Variants in PRKG1 observed in about 807,000 individuals in gnomAD.
PRKG1 encodes protein kinase cGMP-dependent 1.
PRKG1 carries 35 observed loss-of-function variants against 88.1 expected under a neutral mutation model. That is an observed-to-expected ratio of 0.40 (90% CI 0.30 to 0.53). PRKG1 has a LOEUF of 0.53. Ranked by LOEUF, PRKG1 falls within the 20% of genes least tolerant of loss-of-function variation. The probability of loss-of-function intolerance (pLI) is 0.59; values close to 1 mark genes in which losing one functional copy is unlikely to be tolerated. For synonymous variants in PRKG1, 303 were observed against 292.5 expected, an observed-to-expected ratio of 1.04 and a Z score of -0.37; for missense variants, 540 against 839.8, an observed-to-expected ratio of 0.64 and a Z score of 4.41.
intron 5 of PRKG1, chr10:51,911,143 A>G (rs1192076226): frequency 6.6e-6 from 1 of 152,194 alleles, no homozygotes; most frequent in African/African-American, 2.4e-5. Flanking sequence ...AGTACTGGCT[A>G]TATTTCTCTC....
intron 1 of PRKG1, among the ~76,000 whole-genome samples, chr10:51,103,610 A>G (rs1844740922): frequency 6.6e-6 from 1 of 152,142 alleles, no homozygotes; most frequent in African/African-American, 2.4e-5. Context: ...GTGCATCACC[A>G]AATAAGAGGG....
At chr10:51,128,166 A>T (rs1159856950) in intron 1 of PRKG1, among the ~76,000 whole-genome samples, 2 of 151,956 alleles carry the variant, frequency 1.3e-5, no homozygotes, top group Non-Finnish European at 2.9e-5. Context: ...GGCGATTAAC[A>T]TTTTTTCTTT....
chr10:51,587,903 C>T (rs1838212687), intron 3 of PRKG1, among the ~76,000 whole-genome samples: 1 of 152,174 alleles, frequency 6.6e-6, no homozygotes, highest in Non-Finnish European at 1.5e-5. Context: ...ATAAACTGTT[C>T]ATACTTTTCT....
intron 5 of PRKG1, among the ~76,000 whole-genome samples, chr10:52,024,304 T>A (rs2133197411): frequency 9.7e-6 from 1 of 103,046 alleles, no homozygotes; most frequent in South Asian, 3.1e-4. Context: ...TATTCATTTA[T>A]TTATTTATTT....
intron 1 of PRKG1, among the ~76,000 whole-genome samples, chr10:51,042,628 G>A (rs1843439335): frequency 6.6e-6 from 1 of 152,104 alleles, no homozygotes. Flanking sequence ...GTCACCCGCG[G>A]AACAGAGAAG....
chr10:52,048,991 G>A (rs1444636600), intron 5 of PRKG1, among the ~76,000 whole-genome samples: 2 of 152,228 alleles, frequency 1.3e-5, no homozygotes, highest in East Asian at 3.9e-4. Flanking sequence ...GGGGGGAGGA[G>A]TCACAGATAG....
chr10:51,990,041 A>AT (rs1844263198), intron 5 of PRKG1, among the ~76,000 whole-genome samples: 1 of 152,054 alleles, frequency 6.6e-6, no homozygotes. Flanking sequence ...ATGCTTTTGC[A>AT]TGTGGATATC....
chr10:51,108,961 C>G (rs1297652014), intron 1 of PRKG1, among the ~76,000 whole-genome samples: 1 of 151,978 alleles, frequency 6.6e-6, no homozygotes, highest in African/African-American at 2.4e-5. Context: ...TCTCTATATA[C>G]ACTCAGAAAT....
intron 2 of PRKG1, among the ~76,000 whole-genome samples, chr10:51,228,531 A>C (rs184853912): frequency 1.6e-4 from 25 of 152,288 alleles, no homozygotes; most frequent in Non-Finnish European, 2.6e-4. Flanking sequence ...TTTTTACTGC[A>C]TCTTTAGATT....
chr10:52,287,047 A>C (rs1405411333), intron 14 of PRKG1, among the ~76,000 whole-genome samples: 1 of 151,994 alleles, frequency 6.6e-6, no homozygotes, highest in African/African-American at 2.4e-5. Context: ...TAAAAACCAC[A>C]AATACTATAT....
At chr10:51,680,833 G>T (rs984442946) in intron 3 of PRKG1, among the ~76,000 whole-genome samples, 2 of 152,158 alleles carry the variant, frequency 1.3e-5, no homozygotes, top group Admixed American at 1.3e-4. Context: ...ATCCGTTCTG[G>T]TTTTGCTGAA....
At chr10:51,271,993 A>G (rs1839991514) in intron 2 of PRKG1, among the ~76,000 whole-genome samples, 1 of 152,190 alleles carries the variant, frequency 6.6e-6, no homozygotes, top group Non-Finnish European at 1.5e-5. Flanking sequence ...GAATGGCCAC[A>G]CTGTCCTCCA....
At chr10:51,318,074 C>T (rs2132502981) in intron 2 of PRKG1, among the ~76,000 whole-genome samples, 1 of 152,276 alleles carries the variant, frequency 6.6e-6, no homozygotes, top group South Asian at 2.1e-4. Context: ...TTTTATGTTT[C>T]CCTGGCCAAA....
chr10:51,527,619 A>C (rs192355393), intron 3 of PRKG1, among the ~76,000 whole-genome samples: 1 of 152,362 alleles, frequency 6.6e-6, no homozygotes, highest in Non-Finnish European at 1.5e-5. Context: ...TCAGCAAAAC[A>C]ATATACATAG....
chr10:51,918,343 T>A (rs2339890), intron 5 of PRKG1, among the ~76,000 whole-genome samples: 39,718 of 145,068 alleles, frequency 0.27, 5,502 homozygotes, highest in East Asian at 0.49. Context: ...ATTTTTTTTT[T>A]ATTTTTTTTT....
At chr10:51,504,734 T>C (rs1035992468) in intron 3 of PRKG1, among the ~76,000 whole-genome samples, 3 of 152,190 alleles carry the variant, frequency 2.0e-5, no homozygotes, top group Admixed American at 6.5e-5. Context: ...TTTGAAGCAA[T>C]TGTAAATGGG....
intron 2 of PRKG1, among the ~76,000 whole-genome samples, chr10:51,396,213 G>C (rs537435878): frequency 6.6e-6 from 1 of 151,994 alleles, no homozygotes; most frequent in Non-Finnish European, 1.5e-5. Flanking sequence ...TAGTGAGACC[G>C]TATCTCTATC....
intron 3 of PRKG1, among the ~76,000 whole-genome samples, chr10:51,686,323 G>A (rs12098638): frequency 0.11 from 16,443 of 152,084 alleles, 957 homozygotes; most frequent in African/African-American, 0.13. Flanking sequence ...GTAGGCCCCA[G>A]TGCCTGTTGT....
chr10:51,566,937 AG>A (rs1187578525), intron 3 of PRKG1, among the ~76,000 whole-genome samples: 10,233 of 151,166 alleles, frequency 0.068, 1,126 homozygotes, highest in African/African-American at 0.23. Context: ...TAAAAAAAAA[AG>A]AGAGAGAGAG....
Sources: gnomAD v4.1 joint callset for allele counts (sites outside exome capture counted in the v4.1 genomes callset) on GRCh38, gnomAD v4.1.1 for gene constraint, MANE v1.5 for transcripts, NCBI Gene and HGNC (gene_info 2026-07-23, HGNC 2026-07-21) for gene names.